PTPRT: variants seen among roughly 807,000 people sequenced by gnomAD.
PTPRT encodes the protein protein tyrosine phosphatase receptor type T.
A neutral mutation model predicts 176.8 loss-of-function variants in PTPRT; 56 were observed. The observed-to-expected ratio is 0.32, with a 90% confidence interval of 0.26 to 0.40. PTPRT has a LOEUF of 0.40. Among genes scored for constraint, PTPRT ranks in the 10% least tolerant of loss-of-function variants. The pLI is 1.00. For missense variants in PTPRT, 1,540 were observed against 1,908.2 expected, an observed-to-expected ratio of 0.81 and a Z score of 3.60; for synonymous variants, 783 against 739.0, an observed-to-expected ratio of 1.06 and a Z score of -0.96.
intron 8 of PTPRT, among the ~76,000 whole-genome samples, chr20:42,468,376 T>C (rs1270687235): frequency 6.6e-6 from 1 of 152,150 alleles, no homozygotes; most frequent in Non-Finnish European, 1.5e-5. Context: ...CCTCTCTCTT[T>C]AGAAAGAATG....
At chr20:42,158,817 T>C (rs1324784335) in intron 17 of PTPRT, among the ~76,000 whole-genome samples, 1 of 152,246 alleles carries the variant, frequency 6.6e-6, no homozygotes, top group East Asian at 1.9e-4. Flanking sequence ...AGGCCAAGGC[T>C]AGCCTAGTTA....
intron 9 of PTPRT, among the ~76,000 whole-genome samples, chr20:42,440,481 CTTT>C (rs759500806): frequency 2.9e-5 from 4 of 138,490 alleles, no homozygotes; most frequent in African/African-American, 2.6e-5. Flanking sequence ...TTGTTTCTTT[CTTT>C]TTTTTTTTTT....
chr20:42,501,187 T>C (rs2071745177), intron 7 of PTPRT, among the ~76,000 whole-genome samples: 1 of 152,172 alleles, frequency 6.6e-6, no homozygotes, highest in African/African-American at 2.4e-5. Context: ...TTTTGAACTT[T>C]TATCTAGAAT....
intron 7 of PTPRT, among the ~76,000 whole-genome samples, chr20:42,587,279 A>G (rs950523566): frequency 6.6e-6 from 1 of 152,208 alleles, no homozygotes; most frequent in African/African-American, 2.4e-5. Flanking sequence ...GTCACTTGCT[A>G]CTGCAACAAG....
the PTPRT span, among the ~76,000 whole-genome samples, chr20:42,039,749 ATG>A: frequency 5.2e-5 from 6 of 114,788 alleles, no homozygotes; most frequent in Non-Finnish European, 1.2e-4. Context: ...GAATGTATTT[ATG>A]TATATATATA....
At chr20:42,927,333 G>A (rs911231264) in intron 1 of PTPRT, among the ~76,000 whole-genome samples, 7 of 152,130 alleles carry the variant, frequency 4.6e-5, no homozygotes, top group African/African-American at 1.2e-4. Flanking sequence ...AGGCTGAGGC[G>A]GGTGGATCAC....
chr20:42,145,104 T>C (rs974865190), intron 17 of PTPRT, among the ~76,000 whole-genome samples: 3 of 152,306 alleles, frequency 2.0e-5, no homozygotes, highest in East Asian at 1.9e-4. Context: ...TAGTCTCTGT[T>C]GCAACAACTC....
intron 1 of PTPRT, among the ~76,000 whole-genome samples, chr20:42,961,578 T>G (rs1011784438): frequency 8.5e-5 from 13 of 152,068 alleles, no homozygotes; most frequent in African/African-American, 2.7e-4. Context: ...AGATGTGGGG[T>G]GTGCACTCCT....
chr20:42,816,657 C>T (rs2077791971), intron 2 of PTPRT, among the ~76,000 whole-genome samples: 1 of 152,098 alleles, frequency 6.6e-6, no homozygotes, highest in African/African-American at 2.4e-5. Flanking sequence ...CAGTCACACT[C>T]CCTCATGCTG....
chr20:42,798,591 G>A (rs1027756120), intron 2 of PTPRT, among the ~76,000 whole-genome samples: 10 of 152,106 alleles, frequency 6.6e-5, no homozygotes, highest in Admixed American at 2.6e-4. Flanking sequence ...ACCAGAAAAT[G>A]GGGAGGTGGT....
intron 12 of PTPRT, among the ~76,000 whole-genome samples, chr20:42,296,563 C>T (rs936884802): frequency 6.6e-6 from 1 of 151,688 alleles, no homozygotes; most frequent in Admixed American, 6.6e-5. Flanking sequence ...AGAAAGCACA[C>T]CAGAAAGTAT....
At chr20:42,179,855 T>A (rs1478704006) in intron 16 of PTPRT, among the ~76,000 whole-genome samples, 1 of 152,122 alleles carries the variant, frequency 6.6e-6, no homozygotes, top group Non-Finnish European at 1.5e-5. Context: ...GTGACTAGCC[T>A]AAAGAAAGGC....
intron 2 of PTPRT, among the ~76,000 whole-genome samples, chr20:42,836,904 C>G (rs2078190353): frequency 6.6e-6 from 1 of 152,148 alleles, no homozygotes. Flanking sequence ...ATCCCCATAT[C>G]AAAAATAAGG....
At chr20:43,083,337 T>TACATAC (rs1489432968) in intron 1 of PTPRT, among the ~76,000 whole-genome samples, 1 of 105,792 alleles carries the variant, frequency 9.5e-6, no homozygotes, top group South Asian at 3.2e-4. Flanking sequence ...TATATATATA[T>TACATAC]ATATATATAT....
At chr20:42,199,657 C>A (rs1436988841) in intron 15 of PTPRT, among the ~76,000 whole-genome samples, 1 of 152,164 alleles carries the variant, frequency 6.6e-6, no homozygotes, top group African/African-American at 2.4e-5. Context: ...ATGCTTCCCC[C>A]ACTCTCCTTT....
intron 1 of PTPRT, among the ~76,000 whole-genome samples, chr20:42,990,966 C>G (rs1475446829): frequency 2.0e-5 from 3 of 151,944 alleles, no homozygotes; most frequent in Non-Finnish European, 4.4e-5. Context: ...GTAAAGATGA[C>G]CTGGTAGGAA....
intron 16 of PTPRT, among the ~76,000 whole-genome samples, chr20:42,165,281 A>G (rs1267381155): frequency 6.6e-6 from 1 of 152,196 alleles, no homozygotes. Flanking sequence ...TGGTTAAGAA[A>G]TATTTAATGA....
At chr20:42,087,375 C>T (rs575233877) in intron 27 of PTPRT, among the ~76,000 whole-genome samples, 52 of 152,050 alleles carry the variant, frequency 3.4e-4, no homozygotes, top group Admixed American at 9.2e-4. Flanking sequence ...TGACTACAGG[C>T]ATGTGCCATC....
At chr20:42,332,207 A>G (rs1413150429) in intron 11 of PTPRT, among the ~76,000 whole-genome samples, 1 of 151,934 alleles carries the variant, frequency 6.6e-6, no homozygotes, top group Non-Finnish European at 1.5e-5. Context: ...TCAAGAAAAA[A>G]ACATTTTTTT....
Sources: allele counts gnomAD v4.1 joint callset (sites outside exome capture counted in the v4.1 genomes callset), GRCh38; gene constraint gnomAD v4.1.1; transcripts MANE v1.5; gene names NCBI Gene and HGNC (gene_info 2026-07-23, HGNC 2026-07-21).